The following PLXDC2 variants were observed in gnomAD, a reference collection of about 807,000 sequenced individuals.
The protein encoded by PLXDC2 is plexin domain-containing protein 2.
Under a neutral mutation model 68.9 loss-of-function variants are expected in PLXDC2, and 40 were observed. The observed-to-expected ratio is 0.58, with a 90% CI of 0.45 to 0.76. The LOEUF (loss-of-function observed/expected upper bound fraction) is 0.76. Ranked by LOEUF, PLXDC2 falls within the 30% of genes least tolerant of loss-of-function variation. PLXDC2 has a pLI of 0.00. For synonymous variants in PLXDC2, 243 were observed against 234.2 expected (o/e 1.04, Z -0.34); for missense variants, 644 against 661.9 (o/e 0.97, Z 0.30).
At chr10:20,247,855 G>A (rs74119569) in intron 13 of PLXDC2, among the ~76,000 whole-genome samples, 2,951 of 152,212 alleles carry the variant, frequency 0.019, 88 homozygotes, top group African/African-American at 0.066. Flanking sequence ...CATATAAAAT[G>A]TATTTCAGAA....
chr10:19,906,254 T>A (rs1589529607), intron 1 of PLXDC2, among the ~76,000 whole-genome samples: 1 of 151,966 alleles, frequency 6.6e-6, no homozygotes, highest in Admixed American at 6.6e-5. Context: ...GGCCAGTGGA[T>A]TAGGAAACAA....
intron 2 of PLXDC2, among the ~76,000 whole-genome samples, chr10:20,010,929 G>A (rs376183880): frequency 3.9e-5 from 6 of 152,220 alleles, no homozygotes; most frequent in African/African-American, 1.4e-4. Flanking sequence ...TATAGAGAAT[G>A]CCAAGTAACA....
intron 1 of PLXDC2, among the ~76,000 whole-genome samples, chr10:19,991,195 G>A (rs1834743431): frequency 6.7e-6 from 1 of 150,246 alleles, no homozygotes; most frequent in Admixed American, 6.6e-5. Context: ...GCGGTGAGCC[G>A]AGATCATGCC....
At chr10:19,854,426 T>G (rs1243005576) in intron 1 of PLXDC2, among the ~76,000 whole-genome samples, 1 of 152,136 alleles carries the variant, frequency 6.6e-6, no homozygotes, top group Non-Finnish European at 1.5e-5. Flanking sequence ...CATATGGCAA[T>G]GGCTGGAGAC....
At chr10:20,028,838 T>G (rs566790306) in intron 2 of PLXDC2, among the ~76,000 whole-genome samples, 9 of 152,224 alleles carry the variant, frequency 5.9e-5, no homozygotes, top group Non-Finnish European at 1.2e-4. Context: ...CCCTATTTTC[T>G]AGATTGTTCC....
At chr10:20,036,026 C>A (rs181180991) in intron 2 of PLXDC2, among the ~76,000 whole-genome samples, 9 of 152,230 alleles carry the variant, frequency 5.9e-5, no homozygotes, top group Admixed American at 5.9e-4. Context: ...GCTTGAATGG[C>A]AATTCTGATT....
chr10:19,901,335 T>A (rs1346502353), intron 1 of PLXDC2, among the ~76,000 whole-genome samples: 1 of 152,092 alleles, frequency 6.6e-6, no homozygotes, highest in Non-Finnish European at 1.5e-5. Flanking sequence ...CCTGCCAACA[T>A]CTTTTATTTT....
intron 1 of PLXDC2, among the ~76,000 whole-genome samples, chr10:19,966,142 G>GTA (rs1399740025): frequency 2.0e-5 from 3 of 148,044 alleles, no homozygotes; most frequent in Non-Finnish European, 3.0e-5. Flanking sequence ...TATATATATA[G>GTA]TATATATATA....
intron 6 of PLXDC2, among the ~76,000 whole-genome samples, chr10:20,156,543 C>G (rs569377151): frequency 3.8e-4 from 58 of 152,250 alleles, no homozygotes; most frequent in African/African-American, 1.1e-3. Flanking sequence ...CCAAGGCACA[C>G]AGTAGCTTAT....
intron 4 of PLXDC2, among the ~76,000 whole-genome samples, chr10:20,084,501 G>T (rs1833163255): frequency 6.6e-6 from 1 of 152,060 alleles, no homozygotes; most frequent in South Asian, 2.1e-4. Context: ...ACAGGGTAGT[G>T]GGATGAGAAG....
In PLXDC2 at chr10:20,029,923, G is replaced by T. The variant is rs560141056; in HGVS notation, c.325-16946G>T. Among the ~76,000 whole-genome samples, 23 of 152,218 alleles carry T rather than the reference G, an allele frequency of 1.5e-4. 1 individual carries two copies. In the South Asian group the frequency reaches 4.6e-3, roughly 30 times the overall value. On this transcript the variant is annotated intron_variant, in intron 2 of 13. Transcript: ENST00000377252. ...TGACATTAAGTGAGTTGGCAACAAG[G>T]TTTTCCCTCTTCTAAGATGTGATCC...
intron 1 of PLXDC2, among the ~76,000 whole-genome samples, chr10:19,968,416 G>C (rs1834299903): frequency 6.6e-6 from 1 of 152,132 alleles, no homozygotes; most frequent in Non-Finnish European, 1.5e-5. Context: ...AGGTTCAACT[G>C]ATTCTCCAGC....
chr10:20,078,561 A>G (rs7919022), intron 4 of PLXDC2, among the ~76,000 whole-genome samples: 60,644 of 152,060 alleles, frequency 0.4, 14,555 homozygotes, highest in East Asian at 0.7. Flanking sequence ...AAGATACAAT[A>G]TTGTAAGTGT....
At chr10:20,149,470 C>T (rs778821897) in intron 6 of PLXDC2, among the ~76,000 whole-genome samples, 1 of 151,900 alleles carries the variant, frequency 6.6e-6, no homozygotes, top group Non-Finnish European at 1.5e-5. Context: ...AACGCCCTAC[C>T]TCAGGTGATC....
At chr10:20,271,898 G>A (rs1368093232) in intron 13 of PLXDC2, among the ~76,000 whole-genome samples, 19 of 152,200 alleles carry the variant, frequency 1.2e-4, no homozygotes, top group Admixed American at 5.9e-4. Flanking sequence ...GTTAGCTCCC[G>A]TTCAAGTTTT....
rs570837949 is a variant in PLXDC2 at position 19,905,347 on chromosome 10, C to G, written c.112+88156C>G. On this transcript the variant is annotated intron_variant, in intron 1 of 13. Coordinates refer to ENST00000377252, the MANE Select transcript of PLXDC2 (RefSeq NM_032812.9). ...CCAGCTCTCTGATGGTCTGGGTTTA[C>G]TGAGATGTAAAACTTTTGGCAAAAC... 1.3e-4 allele frequency among the ~76,000 whole-genome samples: 20 copies of G among 152,320 alleles called. No individual in the cohort carries two copies. In the East Asian group the frequency reaches 3.7e-3, roughly 28 times the overall value.
At chr10:20,033,894 A>G (rs1340646113) in intron 2 of PLXDC2, among the ~76,000 whole-genome samples, 1 of 152,166 alleles carries the variant, frequency 6.6e-6, no homozygotes, top group Admixed American at 6.6e-5. Context: ...TTCTCTTCAC[A>G]TGTTCATCGT....
At chr10:20,254,117 C>T (rs972918984) in intron 13 of PLXDC2, among the ~76,000 whole-genome samples, 2 of 152,194 alleles carry the variant, frequency 1.3e-5, no homozygotes, top group African/African-American at 4.8e-5. Context: ...TACACAGCAT[C>T]ATAGCAAGAG....
intron 4 of PLXDC2, among the ~76,000 whole-genome samples, chr10:20,136,996 A>T (rs1391011481): frequency 6.6e-6 from 1 of 152,206 alleles, no homozygotes; most frequent in African/African-American, 2.4e-5. Context: ...ATGTAAGGAG[A>T]AATATATCAA....
Sources: gnomAD v4.1 joint callset for allele counts (sites outside exome capture counted in the v4.1 genomes callset) on GRCh38, gnomAD v4.1.1 for gene constraint, MANE v1.5 for transcripts, NCBI Gene and HGNC (gene_info 2026-07-23, HGNC 2026-07-21) for gene names.